The following CMAS variants were observed in gnomAD, a reference collection of about 807,000 sequenced individuals.
CMAS encodes N-acylneuraminate cytidylyltransferase.
CMAS carries 21 observed loss-of-function variants against 53.4 expected under a neutral mutation model. That is an observed-to-expected ratio of 0.39 (90% CI 0.28 to 0.57). The LOEUF (loss-of-function observed/expected upper bound fraction) is 0.57. Among genes scored for constraint, CMAS ranks in the 20% least tolerant of loss-of-function variants. CMAS has a pLI of 0.56. For synonymous variants in CMAS, 189 were observed against 195.2 expected (o/e 0.97, Z 0.27); for missense variants, 384 against 534.9 (o/e 0.72, Z 2.78).
chr12:22,049,265 G>A (rs1213613180), intron 1 of CMAS, among the ~76,000 whole-genome samples: 1 of 152,080 alleles, frequency 6.6e-6, no homozygotes, highest in African/African-American at 2.4e-5. Context: ...TGGAGCCCCC[G>A]CTGAAAAACA....
intron 7 of CMAS, among the ~76,000 whole-genome samples, chr12:22,064,889 ATTC>A (rs1467104801): frequency 2.6e-5 from 4 of 152,222 alleles, no homozygotes; most frequent in East Asian, 1.9e-4. Flanking sequence ...ATTATGCTCC[ATTC>A]TTCTTCTCTA....
chr12:22,060,292 GA>G (rs1319626806), intron 4 of CMAS, among the ~76,000 whole-genome samples: 13 of 121,378 alleles, frequency 1.1e-4, no homozygotes, highest in Non-Finnish European at 1.7e-4. Flanking sequence ...GATAGAATTT[GA>G]AAAATGTTAA....
At chr12:22,063,672 T>C (rs768119772) in intron 7 of CMAS, 1 of 152,072 alleles carries the variant, frequency 6.6e-6, no homozygotes, top group Non-Finnish European at 1.5e-5. Context: ...CTTTTTTGCT[T>C]CTATTTTTTA....
chr12:22,047,320 TAAAAG>T (rs1166097930), intron 1 of CMAS, among the ~76,000 whole-genome samples: 3 of 152,156 alleles, frequency 2.0e-5, no homozygotes, highest in Non-Finnish European at 4.4e-5. Context: ...ATGTTATTCA[TAAAAG>T]AAGGGAGATC....
Position 22,059,148 on chromosome 12 carries a change from A to T in CMAS, c.693+448A>T, listed in dbSNP as rs867427662. Reference sequence around the variant, plus strand: ...TCTTTTTATATATATATATATATATATTTTTTTTTTTTTTTATTATACTTT... The same window carrying T: ...TCTTTTTATATATATATATATATATTTTTTTTTTTTTTTTTATTATACTTT... On this transcript the variant is annotated intron_variant, in intron 4 of 7. Transcript: ENST00000229329. Among the ~76,000 whole-genome samples the T allele has an allele frequency of 3.0e-3, 425 of 139,822 alleles. 3 individuals carry two copies. Among genetic ancestry groups the T allele is most frequent in the African/African-American group, 0.01 (383 of 37,352 alleles). 91.7% of individuals were successfully genotyped at this position (139,822 alleles called of 152,430 possible). A position where few individuals can be genotyped will look rare whatever the true frequency, so the allele number is the denominator to read the frequency against.
intron 7 of CMAS, among the ~76,000 whole-genome samples, chr12:22,064,392 T>A (rs1175051821): frequency 6.6e-6 from 1 of 152,106 alleles, no homozygotes; most frequent in African/African-American, 2.4e-5. Context: ...ATAAATGGCA[T>A]ACCAATCAGA....
intron 1 of CMAS, among the ~76,000 whole-genome samples, chr12:22,049,651 C>T (rs1950227819): frequency 6.6e-6 from 1 of 152,216 alleles, no homozygotes; most frequent in African/African-American, 2.4e-5. Flanking sequence ...TGGGCTCACA[C>T]TTGTAATCCC....
intron 4 of CMAS, 173 bp from the exon 5 acceptor site, chr12:22,060,659 A>C (rs1950303307): frequency 2.0e-6 from 1 of 492,394 alleles, no homozygotes; most frequent in Non-Finnish European, 3.6e-6. Context: ...GACTCGAAAA[A>C]ATAAAAAAGT....
At chr12:22,060,359 A>AAAAAAAAAAAAAC in intron 4 of CMAS, among the ~76,000 whole-genome samples, 1 of 143,070 alleles carries the variant, frequency 7.0e-6, no homozygotes, top group Non-Finnish European at 1.5e-5. Context: ...AAAAAAAAAA[A>AAAAAAAAAAAAAC]AGCTGGGCGT....
intron 5 of CMAS, 65 bp downstream of exon 5, chr12:22,060,991 A>G (rs1167734197): frequency 1.5e-5 from 15 of 997,346 alleles, no homozygotes; most frequent in Non-Finnish European, 2.4e-5. Context: ...CTAGATACTG[A>G]TTTCTGATAC....
chr12:22,053,935 CT>C (rs1410019849), intron 1 of CMAS, among the ~76,000 whole-genome samples: 3,620 of 143,646 alleles, frequency 0.025, 152 homozygotes, highest in African/African-American at 0.087. Flanking sequence ...TGTTTTTTGT[CT>C]TTTTTTTTGA....
chr12:22,059,101 C>T (rs1314931796), intron 4 of CMAS, among the ~76,000 whole-genome samples: 2 of 148,948 alleles, frequency 1.3e-5, no homozygotes, highest in African/African-American at 4.9e-5. Flanking sequence ...GAGTTACAAC[C>T]TGGGTGTCAG....
At chr12:22,061,878 G>GATA (rs1219757778) in intron 6 of CMAS, among the ~76,000 whole-genome samples, 1 of 152,098 alleles carries the variant, frequency 6.6e-6, no homozygotes, top group East Asian at 1.9e-4. Flanking sequence ...AGCTAGCTAA[G>GATA]ATAATTATAA....
Position 22,065,439 on chromosome 12 carries a change from T to C in CMAS, c.*128T>C, listed in dbSNP as rs1950341189. ...GATTTGGTTTGTGATATATATATAT[T>C]GTGCTCTACTTTTCTCTTTACGCAA... On this transcript the variant is annotated 3_prime_UTR_variant, in exon 8 of 8. Transcript: ENST00000229329. 4.5e-6 allele frequency: 3 copies of C among 666,344 alleles called. No individual in the cohort carries two copies. Among genetic ancestry groups the C allele is most frequent in the Non-Finnish European group, 7.5e-6 (3 of 401,724 alleles). The allele number at this position is 666,344 out of a possible 1,614,324, so 41.3% of individuals were successfully genotyped here.
At chr12:22,059,290 C>T (rs1004178871) in intron 4 of CMAS, among the ~76,000 whole-genome samples, 11 of 151,706 alleles carry the variant, frequency 7.3e-5, no homozygotes, top group African/African-American at 2.4e-4. Context: ...AACATGGTTG[C>T]ATCATATATT....
At chr12:22,050,604 C>T (rs1016868523) in intron 1 of CMAS, among the ~76,000 whole-genome samples, 4 of 152,032 alleles carry the variant, frequency 2.6e-5, no homozygotes, top group African/African-American at 9.7e-5. Flanking sequence ...TTTCAGTGGC[C>T]AGCAGACTTT....
chr12:22,056,099 A>G (rs1405690604), intron 3 of CMAS, among the ~76,000 whole-genome samples: 1 of 152,190 alleles, frequency 6.6e-6, no homozygotes. Context: ...AATCTTATCC[A>G]GAGAATTATT....
chr12:22,064,997 A>G (rs1240245768), intron 7 of CMAS, 124 bp from the exon 8 acceptor site: 10 of 640,290 alleles, frequency 1.6e-5, no homozygotes, highest in East Asian at 1.3e-4. Flanking sequence ...TAGTATTCTT[A>G]TATGCAGTGC....
Position 22,065,302 on chromosome 12 carries a change from C to T in CMAS, c.1296C>T (p.Cys432=). The change falls in exon 8 of 8, where the codon TGC becomes TGT. Residue 432 remains cysteine (C), a synonymous_variant. Coordinates refer to ENST00000229329, the MANE Select transcript of CMAS (RefSeq NM_018686.6). ...TAATGGAAAAGGTTAATAATTCATGCCAAAAATAGAAATTAGCGTAATATT... is the reference window on the plus strand; with the variant it reads ...TAATGGAAAAGGTTAATAATTCATGTCAAAAATAGAAATTAGCGTAATATT... The part of the protein sequence containing the change: ...CLLMEKVNNS[C]QK 6.2e-7 allele frequency: 1 copy of T among 1,605,446 alleles called. No homozygotes were observed. Among genetic ancestry groups the T allele is most frequent in the East Asian group, 2.2e-5 (1 of 44,692 alleles).
Sources: gnomAD v4.1 joint callset for allele counts (sites outside exome capture counted in the v4.1 genomes callset) on GRCh38, gnomAD v4.1.1 for gene constraint, MANE v1.5 for transcripts, NCBI Gene and HGNC (gene_info 2026-07-23, HGNC 2026-07-21) for gene names.